SLC35F1: variants seen among roughly 807,000 people sequenced by gnomAD.
SLC35F1 encodes chromosome 6 open reading frame 169.
SLC35F1 carries 14 observed loss-of-function variants against 48.7 expected under a neutral mutation model. The ratio of observed to expected loss-of-function variants is 0.29; its 90% CI spans 0.19 to 0.45. The LOEUF (loss-of-function observed/expected upper bound fraction) is 0.45, where lower values mean the gene tolerates loss of function less well. SLC35F1 is among the 20% of genes least tolerant of loss of function. The pLI is 1.00. For synonymous variants in SLC35F1, 190 were observed against 202.2 expected (o/e 0.94, Z 0.51); for missense variants, 404 against 500.0 (o/e 0.81, Z 1.83).
intron 1 of SLC35F1, among the ~76,000 whole-genome samples, chr6:117,918,418 A>C (rs1408052127): frequency 6.6e-6 from 1 of 152,104 alleles, no homozygotes; most frequent in Non-Finnish European, 1.5e-5. Context: ...AGACACTGAG[A>C]ATGGGGGTGT....
chr6:117,973,060 A>C (rs1462130958), intron 1 of SLC35F1, among the ~76,000 whole-genome samples: 1 of 152,170 alleles, frequency 6.6e-6, no homozygotes, highest in Non-Finnish European at 1.5e-5. Context: ...AAACAATAGA[A>C]ATTTATTTTT....
At chr6:118,120,803 A>G (rs1773543155) in intron 1 of SLC35F1, among the ~76,000 whole-genome samples, 1 of 152,150 alleles carries the variant, frequency 6.6e-6, no homozygotes, top group African/African-American at 2.4e-5. Flanking sequence ...ATCCATTAAG[A>G]TTCTTAAATA....
chr6:118,300,769 T>C (rs1776246349), intron 7 of SLC35F1, among the ~76,000 whole-genome samples: 2 of 152,248 alleles, frequency 1.3e-5, no homozygotes, highest in Non-Finnish European at 2.9e-5. Flanking sequence ...CTTACAGTCA[T>C]ATGCCTGGTT....
chr6:118,304,517 T>C (rs1484973122), intron 7 of SLC35F1, among the ~76,000 whole-genome samples: 1 of 152,174 alleles, frequency 6.6e-6, no homozygotes, highest in Admixed American at 6.5e-5. Flanking sequence ...GATGGGTTGA[T>C]TGTTCTGTTC....
At chr6:118,293,189 A>G (rs1776145890) in intron 7 of SLC35F1, among the ~76,000 whole-genome samples, 1 of 152,202 alleles carries the variant, frequency 6.6e-6, no homozygotes, top group South Asian at 2.1e-4. Context: ...GTAACAAATT[A>G]CCACAAATTT....
rs1457454508 is a variant in SLC35F1, at chr6:118,091,003, G to T, written c.174-63442G>T. Among the ~76,000 whole-genome samples the T allele has an allele frequency of 3.9e-5, 6 of 152,166 alleles. 1 individual carries two copies. The highest frequency in any genetic ancestry group is 4.1e-4 in the South Asian group (2 of 4,820). On this transcript the variant is annotated intron_variant, in intron 1 of 7. Coordinates refer to ENST00000360388, the MANE Select transcript of SLC35F1 (RefSeq NM_001029858.4). ...AGCTGATGGGACTTGTCAGTAGATT[G>T]GATTTTGGGCATGAGAAAAAGAGAG...
At chr6:118,105,509 C>G (rs930934450) in intron 1 of SLC35F1, among the ~76,000 whole-genome samples, 6 of 152,236 alleles carry the variant, frequency 3.9e-5, no homozygotes, top group African/African-American at 1.4e-4. Flanking sequence ...TCACCACTCA[C>G]ACCGTGGTCA....
intron 1 of SLC35F1, among the ~76,000 whole-genome samples, chr6:118,116,879 A>G (rs1412268989): frequency 6.6e-6 from 1 of 152,146 alleles, no homozygotes; most frequent in Non-Finnish European, 1.5e-5. Context: ...CGCCTTGGAG[A>G]TCAAGCAGCC....
At chr6:118,291,353 A>G (rs1329181805) in intron 7 of SLC35F1, among the ~76,000 whole-genome samples, 4 of 151,612 alleles carry the variant, frequency 2.6e-5, no homozygotes, top group East Asian at 1.9e-4. Context: ...AAAAAAGTCT[A>G]TTTTGGGGAA....
chr6:118,174,185 C>A (rs1341247230), intron 2 of SLC35F1, among the ~76,000 whole-genome samples: 1 of 151,958 alleles, frequency 6.6e-6, no homozygotes, highest in Non-Finnish European at 1.5e-5. Context: ...ACTAGACATG[C>A]AATGAAGCAA....
chr6:118,238,575 A>G (rs1775397079), intron 3 of SLC35F1, among the ~76,000 whole-genome samples: 1 of 152,008 alleles, frequency 6.6e-6, no homozygotes, highest in Non-Finnish European at 1.5e-5. Flanking sequence ...CGTTTTTCCC[A>G]TCTTTCCCCT....
intron 1 of SLC35F1, among the ~76,000 whole-genome samples, chr6:117,981,778 CT>C (rs557286486): frequency 1.3e-5 from 2 of 152,094 alleles, no homozygotes; most frequent in South Asian, 4.2e-4. Flanking sequence ...TGGTCAAAGA[CT>C]TTTTTTTGTA....
At chr6:118,265,459 C>T (rs985055817) in intron 3 of SLC35F1, among the ~76,000 whole-genome samples, 4 of 152,164 alleles carry the variant, frequency 2.6e-5, no homozygotes, top group Non-Finnish European at 5.9e-5. Context: ...AAACAGGACT[C>T]GACCTAGCCT....
chr6:118,028,833 C>A (rs1771996161), intron 1 of SLC35F1, among the ~76,000 whole-genome samples: 1 of 151,954 alleles, frequency 6.6e-6, no homozygotes, highest in African/African-American at 2.4e-5. Flanking sequence ...AAACTATGTG[C>A]TTTTGCAAAA....
At chr6:118,250,197 A>C (rs1475038727) in intron 3 of SLC35F1, among the ~76,000 whole-genome samples, 1 of 152,092 alleles carries the variant, frequency 6.6e-6, no homozygotes, top group Non-Finnish European at 1.5e-5. Context: ...ACCTGCACCT[A>C]TACTGCCTCC....
At chr6:118,123,798 G>C (rs1056770196) in intron 1 of SLC35F1, among the ~76,000 whole-genome samples, 2 of 152,154 alleles carry the variant, frequency 1.3e-5, no homozygotes, top group Admixed American at 6.6e-5. Flanking sequence ...TGGAAACTCT[G>C]AGTCAAAATG....
chr6:118,055,005 G>A, intron 1 of SLC35F1, among the ~76,000 whole-genome samples: 1 of 152,280 alleles, frequency 6.6e-6, no homozygotes, highest in South Asian at 2.1e-4. Flanking sequence ...TCGATCTCCT[G>A]ACCGCGTGAT....
rs758791782 is a variant in SLC35F1 at position 118,275,545 on chromosome 6, C to T, written c.724C>T (p.Arg242Ter). 3 of 1,613,892 alleles carry T rather than the reference C, an allele frequency of 1.9e-6. No individual in the cohort carries two copies. The highest frequency in any genetic ancestry group is 1.7e-6 in the Non-Finnish European group (2 of 1,179,920). The change falls in exon 5 of 8, where the codon CGA (arginine) becomes TGA (stop). Residue 242 changes from arginine (R) to a stop codon, truncating the protein, a stop_gained. Coordinates refer to ENST00000360388, the MANE Select transcript of SLC35F1 (RefSeq NM_001029858.4). LOFTEE classifies it high-confidence loss of function. ...ISNVWEEYII[R>*]TLSRVEFLGM... Reference sequence around the variant, plus strand: ...TAACGTCTGGGAAGAATACATCATCCGAACTCTGAGCCGAGTGGAATTCCT... The same window carrying T: ...TAACGTCTGGGAAGAATACATCATCTGAACTCTGAGCCGAGTGGAATTCCT...
In SLC35F1 at chr6:118,003,744, T is replaced by A. The variant is rs972812819; in HGVS notation, c.173+95845T>A. Among the ~76,000 whole-genome samples the A allele has an allele frequency of 3.3e-5, 5 of 152,348 alleles. No homozygotes were observed. The East Asian group carries it at 9.7e-4, about 29-fold the overall frequency. ...ATACCTAATTTTATATTAATGATTT[T>A]ACATTTTTTTTTAAAAGAGAGCACT... On this transcript the variant is annotated intron_variant, in intron 1 of 7. Transcript: ENST00000360388.
Sources: allele counts gnomAD v4.1 joint callset (sites outside exome capture counted in the v4.1 genomes callset), GRCh38; gene constraint gnomAD v4.1.1; transcripts MANE v1.5; gene names NCBI Gene and HGNC (gene_info 2026-07-23, HGNC 2026-07-21).